BPIFC: variants seen among roughly 807,000 people sequenced by gnomAD.
The protein encoded by BPIFC is BPI fold-containing family C protein.
Under a neutral mutation model 57.6 loss-of-function variants are expected in BPIFC, and 60 were observed. That is an observed-to-expected ratio of 1.04 (90% CI 0.85 to 1.29). The LOEUF (loss-of-function observed/expected upper bound fraction) is 1.29. BPIFC is among the 50% of genes most tolerant of loss of function. BPIFC has a pLI of 0.00. For missense variants in BPIFC, 581 were observed against 600.5 expected (o/e 0.97, Z 0.34); for synonymous variants, 243 against 224.5 (o/e 1.08, Z -0.74).
intron 13 of BPIFC, among the ~76,000 whole-genome samples, chr22:32,421,405 T>A (rs1199193499): frequency 6.6e-6 from 1 of 152,216 alleles, no homozygotes; most frequent in Non-Finnish European, 1.5e-5. Flanking sequence ...CAGAGCTCTC[T>A]TTTTCGTATC....
chr22:32,457,534 C>T (rs527998180), intron 2 of BPIFC, 148 bp from the exon 3 acceptor site: 72 of 850,110 alleles, frequency 8.5e-5, no homozygotes, highest in South Asian at 6.4e-4. Context: ...TCCATCCATC[C>T]ATCCATCCAT....
At chr22:32,436,122 C>T (rs1280143474) in intron 9 of BPIFC, among the ~76,000 whole-genome samples, 3 of 151,912 alleles carry the variant, frequency 2.0e-5, no homozygotes, top group African/African-American at 2.4e-5. Context: ...TGGCAGGCCC[C>T]GTTTCTATAA....
Position 32,447,331 on chromosome 22 carries a change from G to T in BPIFC, c.255C>A (p.Ile85=). 1 of 1,613,172 alleles carries T rather than the reference G, an allele frequency of 6.2e-7. No homozygotes were observed. Among genetic ancestry groups the T allele is most frequent in the Non-Finnish European group, 8.5e-7 (1 of 1,179,772 alleles). Reference sequence around the variant, plus strand: ...AGGTATTTGGAAATGAAAAGGCACTGATTTTTATACTGTAAAACCAGAAAC... The same window carrying T: ...AGGTATTTGGAAATGAAAAGGCACTTATTTTTATACTGTAAAACCAGAAAC... ...YVNYNFSNIK[I]SAFSFPNTSL... Residue 85 remains isoleucine, a synonymous_variant, in exon 5 of 17, where the codon ATC becomes ATA. Coordinates refer to ENST00000300399, the MANE Select transcript of BPIFC (RefSeq NM_174932.3).
intron 12 of BPIFC, 70 bp downstream of exon 12, chr22:32,432,303 G>T (rs1217355355): frequency 9.1e-6 from 14 of 1,531,416 alleles, no homozygotes; most frequent in Non-Finnish European, 1.3e-5. Flanking sequence ...TTTAAAAGCT[G>T]CTGGCCAACA....
At chr22:32,451,313 G>A (rs1221430435) in intron 4 of BPIFC, among the ~76,000 whole-genome samples, 2 of 152,194 alleles carry the variant, frequency 1.3e-5, no homozygotes, top group African/African-American at 2.4e-5. Context: ...TTGCTATTGT[G>A]AGTAGTGCCA....
At chr22:32,422,140 T>G (rs79344326) in intron 13 of BPIFC, among the ~76,000 whole-genome samples, 1 of 152,208 alleles carries the variant, frequency 6.6e-6, no homozygotes, top group African/African-American at 2.4e-5. Context: ...AGAAATCCAA[T>G]GAAGGTTTTT....
At chr22:32,435,415 A>G (rs1465911213) in intron 10 of BPIFC, among the ~76,000 whole-genome samples, 1 of 152,158 alleles carries the variant, frequency 6.6e-6, no homozygotes, top group African/African-American at 2.4e-5. Context: ...TAGATTTTGG[A>G]TTTTCAGATT....
chr22:32,437,804 T>C lies in BPIFC; in HGVS notation c.703A>G (p.Ser235Gly). 1 of 1,612,716 alleles carries C rather than the reference T, an allele frequency of 6.2e-7. No homozygotes were observed. The highest frequency in any genetic ancestry group is 2.2e-5 in the East Asian group (1 of 44,886). Reference protein sequence around the residue: ...NYTLLDYSLISSPEITENYLD... With the variant: ...NYTLLDYSLIGSPEITENYLD... ...TAGTTCTCAGTAATTTCTGGAGAAC[T>C]GATTAGGGAGTAATCCAGCAGAGTG... is the stretch of plus-strand genomic sequence containing the variant. Residue 235 changes from serine (S) to glycine (G), a missense_variant, in exon 9 of 17, where the codon AGT (serine) becomes GGT (glycine). Physicochemically the swap from Ser to Gly is moderately conservative, Grantham distance 56 (BLOSUM62 0). Coordinates refer to ENST00000300399, the MANE Select transcript of BPIFC (RefSeq NM_174932.3).
chr22:32,456,040 A>T (rs1223110402), intron 3 of BPIFC, among the ~76,000 whole-genome samples: 1 of 152,260 alleles, frequency 6.6e-6, no homozygotes, highest in Non-Finnish European at 1.5e-5. Flanking sequence ...GCCCAAGGCC[A>T]TGTATCAAGG....
chr22:32,457,351 A>G lies in BPIFC; in HGVS notation c.36T>C (p.Cys12=), dbSNP rs1935061037. The change falls in exon 3 of 17, where the codon TGT becomes TGC. Residue 12 remains cysteine, a synonymous_variant. Coordinates refer to ENST00000300399, the MANE Select transcript of BPIFC (RefSeq NM_174932.3). ...AGACATAGAGATTCCACAGGAGGAAACATCCCCAGAGGACTGGGATTGTCT... is the reference window on the plus strand; with the variant it reads ...AGACATAGAGATTCCACAGGAGGAAGCATCCCCAGAGGACTGGGATTGTCT... ...CTKTIPVLWG[C]FLLWNLYVSS... is the part of the protein sequence containing the mutation. 6.2e-7 allele frequency: 1 copy of G among 1,610,548 alleles called. No individual in the cohort carries two copies. The highest frequency in any genetic ancestry group is 8.5e-7 in the Non-Finnish European group (1 of 1,179,018).
intron 3 of BPIFC, among the ~76,000 whole-genome samples, chr22:32,456,495 A>T (rs932571144): frequency 3.1e-5 from 4 of 129,984 alleles, no homozygotes; most frequent in Admixed American, 1.8e-4. Flanking sequence ...TTTCTGGTAT[A>T]GTAGAAGAAG....
At chr22:32,419,543 C>T in intron 13 of BPIFC, 139 bp from the exon 14 acceptor site, 1 of 819,096 alleles carries the variant, frequency 1.2e-6, no homozygotes, top group Non-Finnish European at 1.9e-6. Context: ...GTGGCCCACG[C>T]CTGTAATCCC....
intron 12 of BPIFC, among the ~76,000 whole-genome samples, chr22:32,432,005 C>T (rs543317637): frequency 7.8e-6 from 1 of 128,196 alleles, no homozygotes; most frequent in Non-Finnish European, 1.6e-5. Flanking sequence ...GCAATCATAG[C>T]TCACTGTAGC....
In BPIFC at chr22:32,419,349, C is replaced by G. The variant is rs1310570434; in HGVS notation, c.1260+13G>C. 3 of 1,611,738 alleles carry G rather than the reference C, an allele frequency of 1.9e-6. No individual in the cohort carries two copies. The Admixed American group carries it at 5.0e-5, about 27-fold the overall frequency. On this transcript the variant is annotated intron_variant, in intron 14 of 16. Transcript: ENST00000300399. The stretch of plus-strand genomic sequence containing the variant: ...TTCCAGTGCTTGGTAACCCCAAGAG[C>G]TCAGATTCCTACCTCAATGTTGCTG...
intron 15 of BPIFC, among the ~76,000 whole-genome samples, chr22:32,416,281 C>T (rs1050706555): frequency 1.3e-4 from 20 of 152,110 alleles, no homozygotes; most frequent in Admixed American, 1.1e-3. Flanking sequence ...CAGGGTTTCA[C>T]CATGTTGGCC....
intron 2 of BPIFC, among the ~76,000 whole-genome samples, chr22:32,458,055 A>G (rs1007837146): frequency 6.6e-6 from 1 of 152,080 alleles, no homozygotes; most frequent in Admixed American, 6.5e-5. Context: ...AAGTTAGATC[A>G]TGTTACTCCC....
chr22:32,426,780 T>C (rs1934079375), intron 13 of BPIFC, among the ~76,000 whole-genome samples: 1 of 151,110 alleles, frequency 6.6e-6, no homozygotes, highest in Admixed American at 6.6e-5. Context: ...TAATCCCAGC[T>C]ACCCAGGAGG....
At chr22:32,419,524 C>G (rs1933775682) in intron 13 of BPIFC, 120 bp from the exon 14 acceptor site, 3 of 1,032,034 alleles carry the variant, frequency 2.9e-6, no homozygotes, top group Non-Finnish European at 4.3e-6. Context: ...ACACACAAGG[C>G]TGGGCATGGT....
rs71320927 is a variant in BPIFC at position 32,457,559 on chromosome 22, G to GTCCATCCATCCA, written c.1-185_1-174dup. On this transcript the variant is annotated intron_variant, in intron 2 of 16. Transcript: ENST00000300399. ...CATCCATCCATCCAACCATCCATCC[G>GTCCATCCATCCA]TCCATCCATCCATCCATCCATCCAT... is the stretch of plus-strand genomic sequence containing the variant. 6.0e-4 allele frequency among the ~76,000 whole-genome samples: 90 copies of GTCCATCCATCCA among 148,902 alleles called. 1 individual carries two copies. The highest frequency in any genetic ancestry group is 2.1e-3 in the African/African-American group (85 of 40,212).
Sources: allele counts gnomAD v4.1 joint callset (sites outside exome capture counted in the v4.1 genomes callset), GRCh38; gene constraint gnomAD v4.1.1; transcripts MANE v1.5; gene names NCBI Gene and HGNC (gene_info 2026-07-23, HGNC 2026-07-21).